Variants in CSGALNACT1 observed in about 807,000 individuals in gnomAD.
The protein encoded by CSGALNACT1 is chondroitin sulfate N-acetylgalactosaminyltransferase 1, also known as beta4GalNAcT-1.
A neutral mutation model predicts 51.0 loss-of-function variants in CSGALNACT1; 52 were observed. The ratio of observed to expected loss-of-function variants is 1.02; its 90% CI spans 0.82 to 1.29. CSGALNACT1 has a LOEUF of 1.29. Among genes scored for constraint, CSGALNACT1 ranks in the 50% most tolerant of loss-of-function variants. The pLI, the probability that CSGALNACT1 is intolerant of heterozygous loss-of-function variation, is 0.00. For missense variants in CSGALNACT1, 935 were observed against 679.2 expected (o/e 1.38, Z -4.19); for synonymous variants, 341 against 254.4 (o/e 1.34, Z -3.24).
At chr8:19,508,132 GAGA>G in intron 3 of CSGALNACT1, among the ~76,000 whole-genome samples, 1 of 152,348 alleles carries the variant, frequency 6.6e-6, no homozygotes, top group South Asian at 2.1e-4. Context: ...ATTTACCGAT[GAGA>G]AGAAGAGCTC....
At chr8:19,404,448 G>C (rs762157206) in exon 10 of CSGALNACT1, 1 of 453,182 alleles carries the variant, frequency 2.2e-6, no homozygotes, top group South Asian at 1.6e-5. Context: ...AAAATAGTTT[G>C]AAATGGTAAT....
At chr8:19,572,757 A>G (rs1332313114) in intron 3 of CSGALNACT1, among the ~76,000 whole-genome samples, 1 of 152,252 alleles carries the variant, frequency 6.6e-6, no homozygotes, top group Non-Finnish European at 1.5e-5. Flanking sequence ...TTAAATGTTT[A>G]CACATTTAAT....
chr8:19,448,349 G>A (rs182801707), intron 5 of CSGALNACT1, among the ~76,000 whole-genome samples: 2 of 152,152 alleles, frequency 1.3e-5, no homozygotes, highest in African/African-American at 4.8e-5. Context: ...TATGGTCTTT[G>A]TAGTAGAACC....
intron 1 of CSGALNACT1, among the ~76,000 whole-genome samples, chr8:19,651,241 GT>G (rs1012950725): frequency 2.0e-5 from 3 of 151,764 alleles, no homozygotes; most frequent in African/African-American, 7.3e-5. Flanking sequence ...TACCTTTCCT[GT>G]TTTTTTTCAT....
chr8:19,537,753 C>T (rs1182659084), intron 3 of CSGALNACT1, among the ~76,000 whole-genome samples: 1 of 152,184 alleles, frequency 6.6e-6, no homozygotes, highest in Non-Finnish European at 1.5e-5. Flanking sequence ...AATTAAAATG[C>T]ATCCCAGAGT....
At chr8:19,699,352 G>C (rs1221096070) in intron 1 of CSGALNACT1, among the ~76,000 whole-genome samples, 1 of 152,154 alleles carries the variant, frequency 6.6e-6, no homozygotes, top group South Asian at 2.1e-4. Context: ...GTTCATAGTA[G>C]CATTATTTGC....
chr8:19,614,952 T>C (rs1238069225), intron 1 of CSGALNACT1, among the ~76,000 whole-genome samples: 1 of 152,230 alleles, frequency 6.6e-6, no homozygotes, highest in Non-Finnish European at 1.5e-5. Flanking sequence ...TGCAGTGATA[T>C]TTCAATTTTA....
At chr8:19,444,654 T>C (rs112239395) in intron 5 of CSGALNACT1, among the ~76,000 whole-genome samples, 4 of 152,236 alleles carry the variant, frequency 2.6e-5, no homozygotes, top group African/African-American at 9.6e-5. Flanking sequence ...GTTTGTTCAA[T>C]GCTTTTAATG....
At chr8:19,666,863 AAGAAAGAAAGAAAGAAAGAAAG>A (rs1564383988) in intron 1 of CSGALNACT1, among the ~76,000 whole-genome samples, 2 of 124,558 alleles carry the variant, frequency 1.6e-5, no homozygotes, top group African/African-American at 4.1e-5. Context: ...GAAAGAAAGA[AAGAAAGAAAGAAAGAAAGAAAG>A]AGAGAGAGGA....
Position 19,466,594 on chromosome 8 carries a change from T to C in CSGALNACT1, c.635-7952A>G, listed in dbSNP as rs1297123393. ...TATCGCATTCCCAGATCACATGAGA[T>C]AAATGAGACACTATTACAGTGCCAT... On this transcript the variant is annotated intron_variant, in intron 4 of 9. Transcript: ENST00000454498. Among the ~76,000 whole-genome samples, 37 of 152,246 alleles carry C rather than the reference T, an allele frequency of 2.4e-4. 1 individual carries two copies. Among genetic ancestry groups the C allele is most frequent in the Admixed American group, 2.4e-3 (36 of 15,284 alleles).
Position 19,676,098 on chromosome 8 carries a change from AAAC to A in CSGALNACT1, c.-544+6372_-544+6374del, listed in dbSNP as rs765893095. ...GTTGTCTGATTTAAAAAACAAAACA[AAAC>A]AAAAAAAACTCCCAGATTACAAAAG... is the stretch of plus-strand genomic sequence containing the variant. On this transcript the variant is annotated intron_variant, in intron 1 of 9. Transcript: ENST00000332246. Among the ~76,000 whole-genome samples, 65 of 133,930 alleles carry A rather than the reference AAAC, an allele frequency of 4.9e-4. 4 individuals are homozygous for A. In the Middle Eastern group the frequency reaches 0.011, roughly 22 times the overall value. The allele number at this position is 133,930 out of a possible 152,430, so 87.9% of individuals were successfully genotyped here. A position where few individuals can be genotyped will look rare whatever the true frequency, so the allele number is the denominator to read the frequency against.
chr8:19,429,777 C>T (rs763636303), intron 6 of CSGALNACT1, among the ~76,000 whole-genome samples: 3 of 152,160 alleles, frequency 2.0e-5, no homozygotes, highest in Admixed American at 6.5e-5. Context: ...AATAATACTA[C>T]GTTTAACCAT....
intron 5 of CSGALNACT1, among the ~76,000 whole-genome samples, chr8:19,447,380 C>G (rs144245832): frequency 6.6e-6 from 1 of 152,282 alleles, no homozygotes; most frequent in East Asian, 1.9e-4. Flanking sequence ...ACTGTTCAAC[C>G]TGAGTTTCTG....
chr8:19,644,071 T>A (rs952800479), intron 1 of CSGALNACT1, among the ~76,000 whole-genome samples: 1 of 152,234 alleles, frequency 6.6e-6, no homozygotes, highest in Non-Finnish European at 1.5e-5. Flanking sequence ...TTATGGCATA[T>A]AGATTTTATA....
chr8:19,456,963 A>G (rs2064233815), intron 5 of CSGALNACT1, among the ~76,000 whole-genome samples: 2 of 152,216 alleles, frequency 1.3e-5, no homozygotes, highest in African/African-American at 4.8e-5. Flanking sequence ...GGCTAGAATT[A>G]GACCCACCAG....
At chr8:19,668,783 C>A (rs1331023626) in intron 1 of CSGALNACT1, among the ~76,000 whole-genome samples, 1 of 152,150 alleles carries the variant, frequency 6.6e-6, no homozygotes, top group African/African-American at 2.4e-5. Flanking sequence ...GAACTCCTGA[C>A]CTCAGGTGAT....
intron 4 of CSGALNACT1, among the ~76,000 whole-genome samples, chr8:19,474,607 C>A (rs1402256504): frequency 6.6e-6 from 1 of 152,036 alleles, no homozygotes; most frequent in Non-Finnish European, 1.5e-5. Flanking sequence ...GTGGCTCACA[C>A]CTATAATCCC....
chr8:19,611,148 A>T (rs998814947), intron 1 of CSGALNACT1, among the ~76,000 whole-genome samples: 4 of 152,244 alleles, frequency 2.6e-5, no homozygotes, highest in Admixed American at 2.6e-4. Context: ...AAAGCTACAG[A>T]AAATATAAGC....
chr8:19,675,362 C>T (rs1210185596), intron 1 of CSGALNACT1, among the ~76,000 whole-genome samples: 1 of 152,166 alleles, frequency 6.6e-6, no homozygotes, highest in African/African-American at 2.4e-5. Flanking sequence ...GGGTGGGCAC[C>T]AGTCACAGAG....
Sources: allele counts gnomAD v4.1 joint callset (sites outside exome capture counted in the v4.1 genomes callset), GRCh38; gene constraint gnomAD v4.1.1; transcripts MANE v1.5; gene names NCBI Gene and HGNC (gene_info 2026-07-23, HGNC 2026-07-21).